TRPC4: variants seen among roughly 807,000 people sequenced by gnomAD.
The protein encoded by TRPC4 is transient receptor potential cation channel subfamily C member 4, also known as short transient receptor potential channel 4.
TRPC4 carries 49 observed loss-of-function variants against 99.4 expected under a neutral mutation model. That is an observed-to-expected ratio of 0.49 (90% CI 0.39 to 0.63). The LOEUF (loss-of-function observed/expected upper bound fraction) is 0.63. Among genes scored for constraint, TRPC4 ranks in the 20% least tolerant of loss-of-function variants. TRPC4 has a pLI of 0.00. For missense variants in TRPC4, 898 were observed against 1,152.9 expected (o/e 0.78, Z 3.20); for synonymous variants, 454 against 425.9 (o/e 1.07, Z -0.81).
At chr13:37,734,622 C>T (rs1356988383) in intron 3 of TRPC4, among the ~76,000 whole-genome samples, 3 of 152,028 alleles carry the variant, frequency 2.0e-5, no homozygotes, top group African/African-American at 4.8e-5. Flanking sequence ...TTCTATGTAT[C>T]AAAACATCAC....
intron 4 of TRPC4, among the ~76,000 whole-genome samples, chr13:37,688,545 T>C (rs1031595260): frequency 1.3e-5 from 2 of 152,210 alleles, no homozygotes; most frequent in African/African-American, 4.8e-5. Context: ...TGGACATTTA[T>C]GATATAAATA....
At chr13:37,855,209 A>G (rs1256974214) in intron 1 of TRPC4, among the ~76,000 whole-genome samples, 1 of 151,602 alleles carries the variant, frequency 6.6e-6, no homozygotes, top group Non-Finnish European at 1.5e-5. Context: ...CTAACAAAAT[A>G]GATTTCAAGA....
At chr13:37,685,435 T>G (rs796663418) in intron 4 of TRPC4, among the ~76,000 whole-genome samples, 11 of 152,292 alleles carry the variant, frequency 7.2e-5, no homozygotes, top group African/African-American at 2.4e-4. Flanking sequence ...AAATGAGACA[T>G]TAACATCATT....
chr13:37,796,568 T>A (rs1957251629), intron 1 of TRPC4, among the ~76,000 whole-genome samples: 1 of 152,142 alleles, frequency 6.6e-6, no homozygotes, highest in Non-Finnish European at 1.5e-5. Flanking sequence ...GAACCTGTTT[T>A]CTCATCACCA....
chr13:37,795,640 G>A (rs1478448352), intron 1 of TRPC4, among the ~76,000 whole-genome samples: 2 of 152,136 alleles, frequency 1.3e-5, no homozygotes, highest in East Asian at 3.9e-4. Flanking sequence ...TAATGGAGAT[G>A]CAAAAGAGAT....
At chr13:37,819,563 C>A (rs118023048) in intron 1 of TRPC4, among the ~76,000 whole-genome samples, 8 of 151,866 alleles carry the variant, frequency 5.3e-5, no homozygotes, top group Non-Finnish European at 5.9e-5. Context: ...AGCAAACTAA[C>A]GCAGGAACAG....
chr13:37,769,234 T>G (rs1956477841), intron 2 of TRPC4, among the ~76,000 whole-genome samples: 2 of 151,456 alleles, frequency 1.3e-5, no homozygotes, highest in African/African-American at 4.8e-5. Context: ...ATACATATAT[T>G]TTTGAAAGCC....
intron 1 of TRPC4, among the ~76,000 whole-genome samples, chr13:37,791,878 G>A (rs966603921): frequency 1.3e-5 from 2 of 152,142 alleles, no homozygotes; most frequent in African/African-American, 4.8e-5. Flanking sequence ...GGAACAGGAT[G>A]CAATCTAGGG....
intron 4 of TRPC4, among the ~76,000 whole-genome samples, chr13:37,690,910 C>CAT: frequency 6.6e-6 from 1 of 151,886 alleles, no homozygotes; most frequent in Admixed American, 6.6e-5. Flanking sequence ...AAATTTGTCA[C>CAT]ATATTTTCTA....
At chr13:37,840,276 A>G (rs1193675141) in intron 1 of TRPC4, among the ~76,000 whole-genome samples, 1 of 152,128 alleles carries the variant, frequency 6.6e-6, no homozygotes, top group African/African-American at 2.4e-5. Flanking sequence ...GAGGGTAATA[A>G]AAAAATGAAA....
intron 2 of TRPC4, among the ~76,000 whole-genome samples, chr13:37,778,061 A>T (rs1956754082): frequency 6.6e-6 from 1 of 152,056 alleles, no homozygotes; most frequent in Admixed American, 6.6e-5. Context: ...AATATTCATG[A>T]TAGAGACAGT....
intron 3 of TRPC4, among the ~76,000 whole-genome samples, chr13:37,716,773 C>T (rs17261924): frequency 0.012 from 1,807 of 152,150 alleles, 16 homozygotes; most frequent in Middle Eastern, 0.041. Flanking sequence ...CAAGTCTCAA[C>T]GAGCATGGTA....
intron 1 of TRPC4, among the ~76,000 whole-genome samples, chr13:37,843,278 C>T (rs150061991): frequency 7.4e-4 from 112 of 152,308 alleles, no homozygotes; most frequent in African/African-American, 2.5e-3. Flanking sequence ...CAACCACAGA[C>T]TAGTCACTCA....
At chr13:37,784,935 T>C (rs1219439381) in intron 1 of TRPC4, among the ~76,000 whole-genome samples, 2 of 152,104 alleles carry the variant, frequency 1.3e-5, no homozygotes, top group African/African-American at 4.8e-5. Context: ...CTCTCTGGCA[T>C]ATTAAACATA....
chr13:37,681,953 A>C (rs978381093), intron 4 of TRPC4, among the ~76,000 whole-genome samples: 2 of 152,128 alleles, frequency 1.3e-5, no homozygotes, highest in African/African-American at 4.8e-5. Flanking sequence ...ATTTTTTTCT[A>C]CCTTTCCCAT....
intron 3 of TRPC4, among the ~76,000 whole-genome samples, chr13:37,713,257 A>G (rs1954543320): frequency 6.6e-6 from 1 of 152,140 alleles, no homozygotes; most frequent in Non-Finnish European, 1.5e-5. Flanking sequence ...TATAACTACA[A>G]TTCCAAGTCA....
chr13:37,711,633 A>G (rs1474939022), intron 3 of TRPC4, among the ~76,000 whole-genome samples: 1 of 152,064 alleles, frequency 6.6e-6, no homozygotes, highest in Non-Finnish European at 1.5e-5. Context: ...CTAAGAAAAA[A>G]ATACAGTAAT....
intron 4 of TRPC4, among the ~76,000 whole-genome samples, chr13:37,677,777 AG>A (rs1953109038): frequency 6.6e-6 from 1 of 152,184 alleles, no homozygotes; most frequent in African/African-American, 2.4e-5. Context: ...GTAATGATAT[AG>A]AAGACCTGAA....
intron 1 of TRPC4, among the ~76,000 whole-genome samples, chr13:37,834,443 T>C (rs955571078): frequency 6.6e-6 from 1 of 152,240 alleles, no homozygotes; most frequent in Non-Finnish European, 1.5e-5. Flanking sequence ...TGAATTATAT[T>C]ACTGAAAGTG....
Sources: allele counts gnomAD v4.1 joint callset (sites outside exome capture counted in the v4.1 genomes callset), GRCh38; gene constraint gnomAD v4.1.1; transcripts MANE v1.5; gene names NCBI Gene and HGNC (gene_info 2026-07-23, HGNC 2026-07-21).